ITGA4: variants seen among roughly 807,000 people sequenced by gnomAD.
ITGA4 encodes integrin alpha-4.
A neutral mutation model predicts 133.6 loss-of-function variants in ITGA4; 63 were observed. The ratio of observed to expected loss-of-function variants is 0.47; its 90% CI spans 0.38 to 0.58. The LOEUF is 0.58. Among genes scored for constraint, ITGA4 ranks in the 20% least tolerant of loss-of-function variants. The pLI, the probability that ITGA4 is intolerant of heterozygous loss-of-function variation, is 0.00. For synonymous variants in ITGA4, 483 were observed against 438.0 expected (o/e 1.10, Z -1.28); for missense variants, 1,076 against 1,252.7 (o/e 0.86, Z 2.13).
Position 181,523,478 on chromosome 2 carries a change from C to G in ITGA4, c.2115C>G (p.Gly705=). The G allele has an allele frequency of 6.2e-7, 1 of 1,609,986 alleles. No individual in the cohort carries two copies. The highest frequency in any genetic ancestry group is 8.5e-7 in the Non-Finnish European group (1 of 1,176,626). ...ACTGTGAAGTCACAGATAACTCTGG[C>G]GTGGTACAACTTGACTGCAGTATTG... is the stretch of plus-strand genomic sequence containing the variant. The part of the protein sequence containing the change: ...QINCEVTDNS[G]VVQLDCSIGY... Residue 705 remains glycine, a synonymous_variant, in exon 19 of 28, where the codon GGC becomes GGG. Transcript: ENST00000397033. This position sits in a 1 kb window ranked among gnomAD's most constrained non-coding sequence, Gnocchi z 4.2.
chr2:181,509,840 A>G (rs2305583), intron 16 of ITGA4, 33 bp downstream of exon 16: 432,359 of 1,507,016 alleles, frequency 0.29, 65,420 homozygotes, highest in Non-Finnish European at 0.32. Context: ...AAATTATTGT[A>G]TGGCATTTAA....
chr2:181,501,661 G>C (rs1397053315), intron 15 of ITGA4, among the ~76,000 whole-genome samples: 2 of 152,158 alleles, frequency 1.3e-5, no homozygotes, highest in Non-Finnish European at 2.9e-5. Flanking sequence ...CTGAGAGACT[G>C]GATGTCTGGC....
chr2:181,495,801 T>C lies in ITGA4; in HGVS notation c.1404T>C (p.Ile468=). The C allele has an allele frequency of 6.2e-7, 1 of 1,613,832 alleles. No individual in the cohort carries two copies. Among genetic ancestry groups the C allele is most frequent in the Admixed American group, 1.7e-5 (1 of 59,988 alleles). The change falls in exon 14 of 28, where the codon ATT becomes ATC. Residue 468 remains isoleucine, a synonymous_variant. Coordinates refer to ENST00000397033, the MANE Select transcript of ITGA4 (RefSeq NM_000885.6). The surrounding 1 kb of genome is among the most constrained non-coding windows in gnomAD (Gnocchi z 4.3). ...AVLLRTRPVV[I]VDASLSHPES... is the part of the protein sequence containing the mutation. ...TTCTCAGGACAAGACCTGTAGTAAT[T>C]GTTGACGCTTCTTTAAGCCACCCTG...
Position 181,511,750 on chromosome 2 carries a change from G to T in ITGA4, c.1897G>T (p.Val633Phe). The change falls in exon 17 of 28, where the codon GTT becomes TTT. Residue 633 changes from valine to phenylalanine, a missense_variant. Val to Phe is a conservative substitution (Grantham distance 50). Around this residue, in one of 4 missense-constraint regions of ITGA4, gnomAD observed 365 missense variants for 421.4 expected, o/e 0.87. Coordinates refer to ENST00000397033, the MANE Select transcript of ITGA4 (RefSeq NM_000885.6). ...AHENCSADLQ[V>F]SAKIGFLKPH... is the part of the protein sequence containing the mutation. ...TGAAAATTGTTCTGCTGATTTACAGGTTTCTGCAAAGATTGGGTTTTTGAA... is the reference window on the plus strand; with the variant it reads ...TGAAAATTGTTCTGCTGATTTACAGTTTTCTGCAAAGATTGGGTTTTTGAA... 6.3e-7 allele frequency: 1 copy of T among 1,592,706 alleles called. No individual in the cohort carries two copies. Among genetic ancestry groups the T allele is most frequent in the Non-Finnish European group, 8.6e-7 (1 of 1,161,164 alleles).
At chr2:181,534,238 A>G in intron 25 of ITGA4, 34 bp from the exon 26 acceptor site, 2 of 1,262,384 alleles carry the variant, frequency 1.6e-6, no homozygotes, top group East Asian at 2.3e-5. Context: ...TATGAAATAA[A>G]CCAGGCTATG....
Position 181,537,273 on chromosome 2 carries a change from T to C in ITGA4, c.*1746T>C. On this transcript the variant is annotated 3_prime_UTR_variant, in exon 28 of 28. Coordinates refer to ENST00000397033, the MANE Select transcript of ITGA4 (RefSeq NM_000885.6). The stretch of plus-strand genomic sequence containing the variant: ...CATTTGGTTCTTTCCTACTCAGAAC[T>C]ACTCAGAAACAACTATATATTTCAG... The C allele has an allele frequency of 2.2e-6, 1 of 453,562 alleles. No homozygotes were observed. The allele number at this position is 453,562 out of a possible 1,614,324, so 28.1% of individuals were successfully genotyped here.
At chr2:181,488,856 C>A (rs1333035129) in intron 10 of ITGA4, among the ~76,000 whole-genome samples, 1 of 152,162 alleles carries the variant, frequency 6.6e-6, no homozygotes, top group Non-Finnish European at 1.5e-5. Flanking sequence ...CTGCACCCAG[C>A]CCTCCAGTTC....
upstream of ITGA4, chr2:181,457,241 C>T: frequency 5.3e-6 from 1 of 190,284 alleles, no homozygotes; most frequent in Non-Finnish European, 1.1e-5. Flanking sequence ...CCGCGCTCTG[C>T]GGGCTGGGAG....
Position 181,516,078 on chromosome 2 carries a change from G to C in ITGA4, c.1922+4303G>C, listed in dbSNP as rs1013096707. On this transcript the variant is annotated intron_variant, in intron 17 of 27. Transcript: ENST00000397033. This position sits in a 1 kb window ranked among gnomAD's most constrained non-coding sequence, Gnocchi z 4.0. ...AATAAACTGCATTTATAAAGGACTT[G>C]CAGTGCAAAATAAAGATGAACCAAC... Among the ~76,000 whole-genome samples the C allele has an allele frequency of 6.6e-6, 1 of 152,002 alleles. No individual in the cohort carries two copies. Among genetic ancestry groups the C allele is most frequent in the Non-Finnish European group, 1.5e-5 (1 of 67,962 alleles).
At chr2:181,479,501 C>CT (rs565675086) in intron 5 of ITGA4, 1 of 150,448 alleles carries the variant, frequency 6.6e-6, no homozygotes, top group Admixed American at 6.7e-5. Context: ...TTTAAGTTGA[C>CT]TTTTTTTAAG....
chr2:181,478,008 A>T (rs1386533090), intron 4 of ITGA4, among the ~76,000 whole-genome samples: 1 of 152,114 alleles, frequency 6.6e-6, no homozygotes, highest in Non-Finnish European at 1.5e-5. Flanking sequence ...ACACACATAT[A>T]TACATAAACA....
chr2:181,490,328 C>G (rs934090666), intron 10 of ITGA4, among the ~76,000 whole-genome samples: 7 of 152,106 alleles, frequency 4.6e-5, no homozygotes, highest in African/African-American at 1.7e-4. Flanking sequence ...CATGTGAACA[C>G]ATTTTTAAAG....
chr2:181,461,464 G>A (rs575743223), intron 2 of ITGA4, among the ~76,000 whole-genome samples: 1 of 151,830 alleles, frequency 6.6e-6, no homozygotes, highest in Admixed American at 6.6e-5. Flanking sequence ...TATCTGAGGA[G>A]ACCCAGGTGA....
intron 21 of ITGA4, among the ~76,000 whole-genome samples, chr2:181,526,837 T>TTTTTTTTTTTTTTTTTTG: frequency 9.7e-6 from 1 of 102,998 alleles, no homozygotes; most frequent in Non-Finnish European, 1.8e-5. Context: ...TTTTTTTTTT[T>TTTTTTTTTTTTTTTTTTG]TTTTTTTTTT....
intron 15 of ITGA4, among the ~76,000 whole-genome samples, chr2:181,508,884 T>G (rs1484696774): frequency 2.0e-5 from 3 of 151,902 alleles, no homozygotes; most frequent in Non-Finnish European, 4.4e-5. Flanking sequence ...GGCTCACACC[T>G]GTAATCCCAG....
Position 181,457,460 on chromosome 2 carries a change from C to G in ITGA4, c.-195C>G. 1 of 565,352 alleles carries G rather than the reference C, an allele frequency of 1.8e-6. No homozygotes were observed. The highest frequency in any genetic ancestry group is 3.1e-6 in the Non-Finnish European group (1 of 325,580). The allele number at this position is 565,352 out of a possible 1,614,324, so 35.0% of individuals were successfully genotyped here. ...TGGGGCCGGGCGAGTGCGCGGCATC[C>G]CAGGCCGGCCCGAACGCTCCGCCCG... On this transcript the variant is annotated 5_prime_UTR_variant, in exon 1 of 28. Coordinates refer to ENST00000397033, the MANE Select transcript of ITGA4 (RefSeq NM_000885.6).
At chr2:181,524,820 A>G (rs1165740293) in intron 20 of ITGA4, among the ~76,000 whole-genome samples, 1 of 152,160 alleles carries the variant, frequency 6.6e-6, no homozygotes, top group Non-Finnish European at 1.5e-5. Context: ...TTCTTTGATC[A>G]TTAAGTCTTG....
In ITGA4 at chr2:181,480,232, C is replaced by A; in HGVS notation, c.720C>A (p.Asp240Glu). ...CAAATAAATACAAGGCTTTTTTAGACAAACAAAATCAAGTAAAATTTGGAA... is the reference window on the plus strand; with the variant it reads ...CAAATAAATACAAGGCTTTTTTAGAAAAACAAAATCAAGTAAAATTTGGAA... ...ITTNKYKAFL[D>E]KQNQVKFGSY... Residue 240 changes from aspartate (D) to glutamate (E), a missense_variant, in exon 6 of 28, where the codon GAC becomes GAA. By Grantham distance (45) the Asp-to-Glu change is conservative (BLOSUM62 2). Around this residue, in one of 4 missense-constraint regions of ITGA4, gnomAD observed 436 missense variants for 590.7 expected, o/e 0.74. Coordinates refer to ENST00000397033, the MANE Select transcript of ITGA4 (RefSeq NM_000885.6). The A allele has an allele frequency of 2.0e-6, 3 of 1,469,526 alleles. No individual in the cohort carries two copies. The highest frequency in any genetic ancestry group is 2.3e-5 in the Admixed American group (1 of 43,814). 91.0% of individuals were successfully genotyped at this position (1,469,526 alleles called of 1,614,324 possible). A position where few individuals can be genotyped will look rare whatever the true frequency, so the allele number is the denominator to read the frequency against.
Position 181,478,106 on chromosome 2 carries a change from T to G in ITGA4, c.557-651T>G, listed in dbSNP as rs138807523. The stretch of plus-strand genomic sequence containing the variant: ...TGACCCCGAAGGACATTATTTTAAG[T>G]GAAATAAGCTAGGCCCAGAAAGACA... On this transcript the variant is annotated intron_variant, in intron 4 of 27. Transcript: ENST00000397033. 3.3e-5 allele frequency among the ~76,000 whole-genome samples: 5 copies of G among 152,150 alleles called. No individual in the cohort carries two copies. The East Asian group carries it at 9.6e-4, about 29-fold the overall frequency.
Sources: allele counts gnomAD v4.1 joint callset (sites outside exome capture counted in the v4.1 genomes callset), GRCh38; gene constraint gnomAD v4.1.1; regional missense constraint gnomAD v4.1.1; non-coding constraint Gnocchi (gnomAD v3.1); transcripts MANE v1.5; gene names NCBI Gene and HGNC (gene_info 2026-07-23, HGNC 2026-07-21).